Variants in ANO4 observed in about 807,000 individuals in gnomAD.
ANO4 encodes anoctamin 4, also known as anoctamin-4.
Under a neutral mutation model 141.9 loss-of-function variants are expected in ANO4, and 69 were observed. The ratio of observed to expected loss-of-function variants is 0.49; its 90% CI spans 0.40 to 0.59. ANO4 has a LOEUF of 0.59. Ranked by LOEUF, ANO4 falls within the 20% of genes least tolerant of loss-of-function variation. ANO4 has a pLI of 0.00. For missense variants in ANO4, 894 were observed against 1,162.2 expected, an observed-to-expected ratio of 0.77 and a Z score of 3.36; for synonymous variants, 350 against 394.3, an observed-to-expected ratio of 0.89 and a Z score of 1.33.
chr12:101,067,014 AAAAG>A lies in ANO4; in HGVS notation c.1313-12172_1313-12169del, dbSNP rs1473890902. On this transcript the variant is annotated intron_variant, in intron 14 of 27. Transcript: ENST00000392977. Reference sequence around the variant, plus strand: ...AAGTATAACAAAAAAAAAAAAAAAAAAAAGAAAGAACAGACCATGCTGGGCTTAT... The same window carrying A: ...AAGTATAACAAAAAAAAAAAAAAAAAAAAGAACAGACCATGCTGGGCTTAT... The A allele has an allele frequency of 1.7e-3, 1,006 of 580,368 alleles. 9 individuals are homozygous for A. In the African/African-American group the frequency reaches 0.018, roughly 10 times the overall value. 36.0% of individuals were successfully genotyped at this position (580,368 alleles called of 1,614,324 possible).
chr12:100,958,862 C>G (rs1317557134), intron 5 of ANO4, among the ~76,000 whole-genome samples: 1 of 151,950 alleles, frequency 6.6e-6, no homozygotes, highest in Non-Finnish European at 1.5e-5. Flanking sequence ...AACAAACAAA[C>G]AAACAAAAAA....
At chr12:100,870,662 T>C (rs1393261778) in intron 1 of ANO4, among the ~76,000 whole-genome samples, 2 of 152,166 alleles carry the variant, frequency 1.3e-5, no homozygotes, top group Non-Finnish European at 2.9e-5. Context: ...GTTTGAAAAC[T>C]CTTTTTATGG....
At chr12:100,895,935 C>T (rs2040327770) in intron 1 of ANO4, among the ~76,000 whole-genome samples, 1 of 151,916 alleles carries the variant, frequency 6.6e-6, no homozygotes, top group African/African-American at 2.4e-5. Flanking sequence ...CTTGAGAAAA[C>T]TCAGACCAAG....
chr12:100,931,111 G>A (rs556750735), intron 3 of ANO4, among the ~76,000 whole-genome samples: 1 of 152,140 alleles, frequency 6.6e-6, no homozygotes, highest in African/African-American at 2.4e-5. Context: ...TTTGCCTTAG[G>A]GATGCTGTCA....
chr12:100,728,118 C>T (rs878889103), intron 1 of ANO4, among the ~76,000 whole-genome samples: 1 of 151,966 alleles, frequency 6.6e-6, no homozygotes, highest in Non-Finnish European at 1.5e-5. Flanking sequence ...TAGAGTTGCC[C>T]ACATATTTAC....
rs547660286 is a variant in ANO4, at chr12:100,886,640, C to G, written c.-140-15006C>G. Among the ~76,000 whole-genome samples, 4 of 152,238 alleles carry G rather than the reference C, an allele frequency of 2.6e-5. No individual in the cohort carries two copies. The East Asian group carries it at 7.7e-4, about 29-fold the overall frequency. On this transcript the variant is annotated intron_variant, in intron 1 of 27. Transcript: ENST00000392977. ...TAAGTCAGAGGTCAGCAAACTACAG[C>G]CCACAGGCCAAATCCAGCCTATTGC...
At chr12:100,756,919 C>T (rs1020022846) in intron 3 of ANO4, among the ~76,000 whole-genome samples, 3 of 152,164 alleles carry the variant, frequency 2.0e-5, no homozygotes, top group African/African-American at 7.2e-5. Context: ...GTACTTTTAT[C>T]TCAGACCTCC....
At chr12:101,056,909 G>T (rs2048142593) in intron 14 of ANO4, among the ~76,000 whole-genome samples, 1 of 149,396 alleles carries the variant, frequency 6.7e-6, no homozygotes, top group Non-Finnish European at 1.5e-5. Context: ...GAACGTGCAG[G>T]TTTCTTACAT....
At chr12:100,864,084 C>T (rs931571527) in intron 1 of ANO4, among the ~76,000 whole-genome samples, 2 of 152,184 alleles carry the variant, frequency 1.3e-5, no homozygotes, top group Non-Finnish European at 2.9e-5. Context: ...TGCAAGATGA[C>T]TGACAGTGAC....
chr12:100,991,813 A>G (rs986011976), intron 8 of ANO4, among the ~76,000 whole-genome samples: 1 of 152,224 alleles, frequency 6.6e-6, no homozygotes, highest in Admixed American at 6.5e-5. Flanking sequence ...ATGAATAGAT[A>G]GAAACAAAAG....
chr12:100,814,441 C>T (rs77851583), intron 1 of ANO4, among the ~76,000 whole-genome samples: 4,426 of 152,128 alleles, frequency 0.029, 234 homozygotes, highest in African/African-American at 0.1. Flanking sequence ...GCGTAGAGAG[C>T]AGTAAGGATG....
At chr12:100,906,232 T>G (rs1023940304) in intron 2 of ANO4, among the ~76,000 whole-genome samples, 4 of 151,996 alleles carry the variant, frequency 2.6e-5, no homozygotes, top group African/African-American at 9.7e-5. Context: ...CAAAAGTGCA[T>G]GGAAGGGAGT....
chr12:100,919,692 G>A (rs1480540053), intron 2 of ANO4, among the ~76,000 whole-genome samples: 1 of 143,868 alleles, frequency 7.0e-6, no homozygotes, highest in African/African-American at 2.8e-5. Flanking sequence ...GTGTGTGTGT[G>A]TGTGTGTGTG....
At chr12:101,050,143 T>C (rs537109591) in intron 14 of ANO4, among the ~76,000 whole-genome samples, 1 of 151,966 alleles carries the variant, frequency 6.6e-6, no homozygotes, top group African/African-American at 2.4e-5. Context: ...AGCAAAGAAC[T>C]AGTGGAAAAA....
chr12:101,126,910 C>A lies in ANO4; in HGVS notation c.2708C>A (p.Ser903Ter). ...HLVFCIKHLISYLIPDLPKDL... is the reference protein window; with the variant it reads ...HLVFCIKHLI ...GTGTTTTGTATAAAGCACCTCATTT[C>A]ATATCTGATCCCAGACCTCCCAAAA... The change falls in exon 27 of 28, where the codon TCA (serine) becomes TAA (stop). Residue 903 changes from serine (S) to a stop codon, truncating the protein, a stop_gained. Coordinates refer to ENST00000392977, the MANE Select transcript of ANO4 (RefSeq NM_001286615.2). LOFTEE classifies it high-confidence loss of function. 6.2e-7 allele frequency: 1 copy of A among 1,614,106 alleles called. No individual in the cohort carries two copies. Among genetic ancestry groups the A allele is most frequent in the Non-Finnish European group, 8.5e-7 (1 of 1,179,990 alleles).
At chr12:100,787,793 C>G (rs2033920402) in intron 3 of ANO4, among the ~76,000 whole-genome samples, 1 of 152,082 alleles carries the variant, frequency 6.6e-6, no homozygotes, top group Non-Finnish European at 1.5e-5. Flanking sequence ...TGATAAATGT[C>G]ATTTTCTTTG....
Position 100,766,906 on chromosome 12 carries a change from A to G in ANO4, c.358+26801A>G, listed in dbSNP as rs1484900178. ...TTTAGGTGCTAAGCACTGGGTACAT[A>G]TATATTTACAATTGTTGTATCTTCT... On this transcript the variant is annotated intron_variant, in intron 3 of 29. Transcript: ENST00000644049. Among the ~76,000 whole-genome samples the G allele has an allele frequency of 3.3e-5, 5 of 152,132 alleles. No individual in the cohort carries two copies. In the East Asian group the frequency reaches 7.7e-4, roughly 23 times the overall value.
At chr12:100,748,964 G>C (rs998407918) in intron 3 of ANO4, among the ~76,000 whole-genome samples, 5 of 152,126 alleles carry the variant, frequency 3.3e-5, no homozygotes, top group African/African-American at 1.2e-4. Context: ...ACTTACTTAA[G>C]TTAGGATATT....
chr12:101,127,546 T>C (rs2051373456), intron 27 of ANO4, among the ~76,000 whole-genome samples: 1 of 152,214 alleles, frequency 6.6e-6, no homozygotes, highest in African/African-American at 2.4e-5. Flanking sequence ...GAAGAATTTC[T>C]TCTGGCCCCA....
Sources: allele counts gnomAD v4.1 joint callset (sites outside exome capture counted in the v4.1 genomes callset), GRCh38; gene constraint gnomAD v4.1.1; transcripts MANE v1.5; gene names NCBI Gene and HGNC (gene_info 2026-07-23, HGNC 2026-07-21).